ELF2: variants seen among roughly 807,000 people sequenced by gnomAD.
ELF2 encodes the protein ETS-related transcription factor Elf-2.
ELF2 carries 11 observed loss-of-function variants against 54.8 expected under a neutral mutation model. The ratio of observed to expected loss-of-function variants is 0.20; its 90% confidence interval spans 0.13 to 0.33. The LOEUF is 0.33. ELF2 is among the 10% of genes least tolerant of loss of function. ELF2 has a pLI of 1.00. For synonymous variants in ELF2, 203 were observed against 245.1 expected (o/e 0.83, Z 1.61); for missense variants, 513 against 703.0 (o/e 0.73, Z 3.06).
At chr4:139,148,306 T>C (rs1739457668) in intron 1 of ELF2, among the ~76,000 whole-genome samples, 1 of 142,774 alleles carries the variant, frequency 7.0e-6, no homozygotes, top group African/African-American at 2.6e-5. Context: ...GGTGAAGTCA[T>C]ACCTGGCTAA....
intron 4 of ELF2, among the ~76,000 whole-genome samples, chr4:139,109,444 A>G (rs572489342): frequency 6.6e-6 from 1 of 152,334 alleles, no homozygotes; most frequent in Non-Finnish European, 1.5e-5. Context: ...GTGCCAAAGT[A>G]GTACTAACAA....
At chr4:139,167,842 C>A (rs1741876264) in intron 1 of ELF2, among the ~76,000 whole-genome samples, 1 of 152,164 alleles carries the variant, frequency 6.6e-6, no homozygotes, top group Admixed American at 6.5e-5. Context: ...GATGAGAAGT[C>A]GATGGTTCCG....
Position 139,073,371 on chromosome 4 carries a change from T to C in ELF2, c.352+83A>G, listed in dbSNP as rs531066450. 55 of 834,522 alleles carry C rather than the reference T, an allele frequency of 6.6e-5. 1 individual carries two copies. Among genetic ancestry groups the C allele is most frequent in the Admixed American group, 1.6e-4 (5 of 31,176 alleles). 51.7% of individuals were successfully genotyped at this position (834,522 alleles called of 1,614,324 possible). ...CCTTTGAGAATTCCCAACAATTCCATTGGATTAAAAAAACAAAAAACTTTA... is the reference window on the plus strand; with the variant it reads ...CCTTTGAGAATTCCCAACAATTCCACTGGATTAAAAAAACAAAAAACTTTA... On this transcript the variant is annotated intron_variant, in intron 5 of 9. Coordinates refer to ENST00000686138, the MANE Select transcript of ELF2 (RefSeq NM_001331036.3).
At chr4:139,120,839 G>C (rs1303258597) in intron 4 of ELF2, among the ~76,000 whole-genome samples, 1 of 152,008 alleles carries the variant, frequency 6.6e-6, no homozygotes, top group Non-Finnish European at 1.5e-5. Flanking sequence ...TCCTGCCAAT[G>C]TCTTATTTAC....
Position 139,125,180 on chromosome 4 carries a change from GGTCTC to G in ELF2, c.217_221del (p.Glu73ArgfsTer14). On this transcript the variant is annotated frameshift_variant, in exon 4 of 10. Coordinates refer to ENST00000686138, the MANE Select transcript of ELF2 (RefSeq NM_001331036.3). LOFTEE classifies it high-confidence loss of function. ...GATGTCTACCTGTTTCCACATTCTC[GGTCTC>G]AACTTCTTGTTCTTCTGCCACATCT... 1 of 1,607,512 alleles carries G rather than the reference GGTCTC, an allele frequency of 6.2e-7. No homozygotes were observed. Among genetic ancestry groups the G allele is most frequent in the Non-Finnish European group, 8.5e-7 (1 of 1,178,208 alleles).
At chr4:139,080,792 T>C (rs1333581881) in intron 4 of ELF2, among the ~76,000 whole-genome samples, 1 of 152,112 alleles carries the variant, frequency 6.6e-6, no homozygotes, top group East Asian at 1.9e-4. Flanking sequence ...GCCTAAATTA[T>C]TAATTAGACT....
In ELF2 at chr4:139,073,542, A is replaced by G. The variant is rs1444215482; in HGVS notation, c.264T>C (p.Asn88=). 5.0e-6 allele frequency: 8 copies of G among 1,589,802 alleles called. No homozygotes were observed. Among genetic ancestry groups the G allele is most frequent in the Admixed American group, 1.7e-5 (1 of 58,652 alleles). ...ETVEASVHSS[N]AHCTDKTIEA... Reference sequence around the variant, plus strand: ...CAATTGTCTTATCTGTACAGTGTGCATTACTGCTGTGAACTGATGCTTCCA... The same window carrying G: ...CAATTGTCTTATCTGTACAGTGTGCGTTACTGCTGTGAACTGATGCTTCCA... Residue 88 remains asparagine, a synonymous_variant, in exon 5 of 10, where the codon AAT becomes AAC. Coordinates refer to ENST00000686138, the MANE Select transcript of ELF2 (RefSeq NM_001331036.3).
chr4:139,151,926 T>C (rs1740038594), intron 1 of ELF2, among the ~76,000 whole-genome samples: 1 of 152,236 alleles, frequency 6.6e-6, no homozygotes, highest in African/African-American at 2.4e-5. Flanking sequence ...GCAAGCTGTA[T>C]CAGCATGAGG....
chr4:139,094,736 G>A (rs1202885051), intron 4 of ELF2, among the ~76,000 whole-genome samples: 2 of 151,868 alleles, frequency 1.3e-5, no homozygotes, highest in African/African-American at 4.8e-5. Flanking sequence ...TAAGACTTGT[G>A]TAAAAAAGAT....
intron 5 of ELF2, 124 bp from the exon 6 acceptor site, chr4:139,072,163 A>G: frequency 1.1e-6 from 1 of 884,550 alleles, no homozygotes; most frequent in Non-Finnish European, 1.7e-6. Flanking sequence ...AGAGCTTAAT[A>G]CTGAAGAAGT....
chr4:139,152,512 A>G (rs1057444398), intron 1 of ELF2, among the ~76,000 whole-genome samples: 12 of 151,830 alleles, frequency 7.9e-5, no homozygotes, highest in Admixed American at 2.6e-4. Flanking sequence ...TTTTTATTCT[A>G]TAGAGATGGG....
rs775314545 is a variant in ELF2, at chr4:139,076,440, GA to G, written c.239-2874del. On this transcript the variant is annotated intron_variant, in intron 4 of 9. Transcript: ENST00000686138. The stretch of plus-strand genomic sequence containing the variant: ...TCCCTACAATACTCACATACACTAA[GA>G]AAAAAAAAAAACCTTCAATTCTCCA... Among the ~76,000 whole-genome samples the G allele has an allele frequency of 1.3e-3, 176 of 139,308 alleles. 1 individual carries two copies. Among genetic ancestry groups the G allele is most frequent in the South Asian group, 9.1e-3 (40 of 4,418 alleles). 91.4% of individuals were successfully genotyped at this position (139,308 alleles called of 152,430 possible). A position where few individuals can be genotyped will look rare whatever the true frequency, so the allele number is the denominator to read the frequency against.
chr4:139,101,035 A>G (rs1236162534), intron 4 of ELF2, among the ~76,000 whole-genome samples: 1 of 152,216 alleles, frequency 6.6e-6, no homozygotes, highest in Non-Finnish European at 1.5e-5. Flanking sequence ...GACTGGGAGA[A>G]GGTAGGAAAA....
chr4:139,063,753 G>A (rs1728235100), intron 7 of ELF2, among the ~76,000 whole-genome samples: 7 of 152,094 alleles, frequency 4.6e-5, no homozygotes, highest in Admixed American at 4.6e-4. Flanking sequence ...AAATATGTCT[G>A]TGGGATTCCA....
chr4:139,137,535 T>G, intron 3 of ELF2, 95 bp downstream of exon 3: 1 of 1,234,418 alleles, frequency 8.1e-7, no homozygotes, highest in African/African-American at 1.5e-5. Flanking sequence ...CTTTGTACAT[T>G]TTTACTCTCA....
At chr4:139,143,657 C>T (rs1307374944) in intron 1 of ELF2, among the ~76,000 whole-genome samples, 5 of 152,174 alleles carry the variant, frequency 3.3e-5, no homozygotes, top group African/African-American at 1.2e-4. Flanking sequence ...TGGTGGCAGG[C>T]GCCTGTAATC....
At chr4:139,170,259 C>CTTT (rs70940499) in intron 1 of ELF2, among the ~76,000 whole-genome samples, 36 of 89,302 alleles carry the variant, frequency 4.0e-4, no homozygotes, top group East Asian at 1.2e-3. Flanking sequence ...TCTTAATCGC[C>CTTT]TTTTTTTTTT....
At chr4:139,103,633 C>A (rs1413197489) in intron 4 of ELF2, among the ~76,000 whole-genome samples, 1 of 152,218 alleles carries the variant, frequency 6.6e-6, no homozygotes, top group Non-Finnish European at 1.5e-5. Context: ...CATCTGTATC[C>A]TTTAAATATC....
chr4:139,081,143 C>T (rs138593193), intron 4 of ELF2, among the ~76,000 whole-genome samples: 2 of 152,010 alleles, frequency 1.3e-5, no homozygotes, highest in Non-Finnish European at 1.5e-5. Context: ...AGGGTCAAGG[C>T]TCGTTCTCAT....
Sources: gnomAD v4.1 joint callset for allele counts (sites outside exome capture counted in the v4.1 genomes callset) on GRCh38, gnomAD v4.1.1 for gene constraint, MANE v1.5 for transcripts, NCBI Gene and HGNC (gene_info 2026-07-23, HGNC 2026-07-21) for gene names.